ICE2: variants seen among roughly 807,000 people sequenced by gnomAD.
The protein encoded by ICE2 is interactor of little elongation complex ELL subunit 2.
In ICE2, 87 loss-of-function variants were observed where a neutral mutation model predicts 105.4. The observed-to-expected ratio is 0.83, with a 90% CI of 0.69 to 0.99. ICE2 has a LOEUF of 0.99. ICE2 is among the 50% of genes least tolerant of loss of function. The pLI is 0.00. For missense variants in ICE2, 1,323 were observed against 1,146.7 expected (o/e 1.15, Z -2.22); for synonymous variants, 399 against 392.0 (o/e 1.02, Z -0.21).
rs1157012726 is a variant in ICE2 at position 60,471,322 on chromosome 15, A to G, written c.147-3000T>C. On this transcript the variant is annotated intron_variant, in intron 3 of 15. Transcript: ENST00000261520. ...TTTTAGGTAAACAAAATGAACATTA[A>G]CTGCTGATCTTGGGAGAAATGTATT... is the stretch of plus-strand genomic sequence containing the variant. 2.6e-5 allele frequency among the ~76,000 whole-genome samples: 4 copies of G among 152,236 alleles called. No homozygotes were observed. The East Asian group carries it at 7.7e-4, about 29-fold the overall frequency.
chr15:60,430,965 G>A (rs150315475), intron 14 of ICE2, among the ~76,000 whole-genome samples: 9 of 152,080 alleles, frequency 5.9e-5, no homozygotes, highest in East Asian at 5.8e-4. Context: ...TCTGCCTCCC[G>A]GGTTCAAGCG....
chr15:60,434,217 G>C (rs372558677), intron 13 of ICE2, among the ~76,000 whole-genome samples: 27 of 152,252 alleles, frequency 1.8e-4, no homozygotes, highest in African/African-American at 5.8e-4. Context: ...ATTTTGCTTT[G>C]CATTTAGACA....
At chr15:60,467,991 G>T in intron 4 of ICE2, 70 bp downstream of exon 4, 2 of 1,356,394 alleles carry the variant, frequency 1.5e-6, no homozygotes, top group Non-Finnish European at 9.8e-7. Flanking sequence ...AAACATAAAT[G>T]TAAATTTAAG....
At chr15:60,440,181 T>G (rs1193268009) in intron 12 of ICE2, 2 of 152,222 alleles carry the variant, frequency 1.3e-5, no homozygotes, top group Non-Finnish European at 2.9e-5. Context: ...GATCATGATT[T>G]GCCTGTTACT....
At chr15:60,453,233 A>C in intron 9 of ICE2, 1 of 1,007,264 alleles carries the variant, frequency 9.9e-7, no homozygotes, top group African/African-American at 1.7e-5. Context: ...TTCCATCTCA[A>C]AAAAATAAAA....
intron 2 of ICE2, 110 bp downstream of exon 2, chr15:60,477,827 G>T: frequency 1.0e-6 from 1 of 976,370 alleles, no homozygotes; most frequent in Non-Finnish European, 1.6e-6. Context: ...CCCTAAACTT[G>T]TATTTTCTGT....
chr15:60,474,895 A>G (rs2064714208), intron 3 of ICE2, among the ~76,000 whole-genome samples: 1 of 152,178 alleles, frequency 6.6e-6, no homozygotes, highest in Non-Finnish European at 1.5e-5. Context: ...GCCAAGTTGG[A>G]GAATCACTTG....
At chr15:60,432,484 C>T (rs912598539) in intron 13 of ICE2, among the ~76,000 whole-genome samples, 1 of 151,088 alleles carries the variant, frequency 6.6e-6, no homozygotes, top group Admixed American at 6.6e-5. Context: ...GGCATGGGGT[C>T]GGGCCAATTT....
intron 1 of ICE2, chr15:60,478,698 G>A (rs746743626): frequency 5.9e-6 from 2 of 337,810 alleles, no homozygotes; most frequent in East Asian, 1.7e-4. Context: ...GACACCGAAC[G>A]GGCCCGACCG....
chr15:60,473,528 A>C (rs1037260345), intron 3 of ICE2, among the ~76,000 whole-genome samples: 2 of 152,142 alleles, frequency 1.3e-5, no homozygotes, highest in Non-Finnish European at 2.9e-5. Context: ...CCTGGGCTCA[A>C]GTGATCCAGC....
chr15:60,479,072 A>C lies in ICE2; in HGVS notation c.-162T>G. ...ACACACGCTCCACCCCACTCCTCAC[A>C]TTGTCGCGCGCGCCCAAAAAAGACC... On this transcript the variant is annotated 5_prime_UTR_variant, in exon 1 of 16. An upstream start codon of the reference 5' UTR is lost. Coordinates refer to ENST00000261520, the MANE Select transcript of ICE2 (RefSeq NM_024611.6). The C allele has an allele frequency of 2.2e-6, 1 of 451,430 alleles. No homozygotes were observed. The highest frequency in any genetic ancestry group is 4.5e-6 in the Non-Finnish European group (1 of 223,670). The allele number at this position is 451,430 out of a possible 1,614,324, so 28.0% of individuals were successfully genotyped here. A position where few individuals can be genotyped will look rare whatever the true frequency, so the allele number is the denominator to read the frequency against.
At chr15:60,435,379 C>T (rs757874069) in intron 13 of ICE2, among the ~76,000 whole-genome samples, 2 of 151,730 alleles carry the variant, frequency 1.3e-5, no homozygotes, top group Non-Finnish European at 2.9e-5. Flanking sequence ...GCAGGAGGAT[C>T]ACCCGAGGTC....
At chr15:60,466,811 A>G in intron 4 of ICE2, 98 bp from the exon 5 acceptor site, 2 of 999,944 alleles carry the variant, frequency 2.0e-6, no homozygotes, top group Non-Finnish European at 2.9e-6. Flanking sequence ...CTTAAAGAAT[A>G]ATTAAAGTAT....
At chr15:60,445,514 G>T in intron 11 of ICE2, 1 of 919,974 alleles carries the variant, frequency 1.1e-6, no homozygotes, top group Non-Finnish European at 1.3e-6. Context: ...AGCATTCACT[G>T]AAAATTTTAA....
chr15:60,453,537 A>C (rs1199659755), intron 9 of ICE2, 66 bp downstream of exon 9: 16 of 1,572,314 alleles, frequency 1.0e-5, no homozygotes, highest in African/African-American at 1.4e-5. Context: ...ATTTGCAATA[A>C]AACTTTATGC....
intron 15 of ICE2, among the ~76,000 whole-genome samples, chr15:60,424,194 C>A (rs2063288866): frequency 6.6e-6 from 1 of 150,902 alleles, no homozygotes; most frequent in African/African-American, 2.4e-5. Context: ...GAAGAAATTA[C>A]ATGGACAAAC....
At position 60,421,048 on chromosome 15, in the gene ICE2, AT is replaced by A. The variant is rs2063238259; in HGVS notation, c.*2585del. The A allele has an allele frequency of 6.6e-6, 1 of 152,190 alleles. No individual in the cohort carries two copies. Among genetic ancestry groups the A allele is most frequent in the South Asian group, 2.1e-4 (1 of 4,826 alleles). The allele number at this position is 152,190 out of a possible 1,614,324, so 9.4% of individuals were successfully genotyped here. A position where few individuals can be genotyped will look rare whatever the true frequency, so the allele number is the denominator to read the frequency against. ...TCTGAAAAAACAAGGCTATGAGAGA[AT>A]AACTGTGGGGACCTACTTTGGAGTG... is the stretch of plus-strand genomic sequence containing the variant. On this transcript the variant is annotated 3_prime_UTR_variant, in exon 16 of 16. Coordinates refer to ENST00000261520, the MANE Select transcript of ICE2 (RefSeq NM_024611.6).
rs781022574 is a variant in ICE2, at chr15:60,466,735, A to T, written c.409-22T>A. The T allele has an allele frequency of 1.9e-6, 3 of 1,557,998 alleles. No individual in the cohort carries two copies. In the Admixed American group the frequency reaches 5.7e-5, roughly 29 times the overall value. On this transcript the variant is annotated intron_variant, in intron 4 of 15. Transcript: ENST00000261520. ...TATCCTGATTTTTAAAAAAGTAGAC[A>T]TGTCTTGGGATAAAAAGTTTCATTA...
At chr15:60,424,323 G>A (rs887741301) in intron 15 of ICE2, among the ~76,000 whole-genome samples, 1 of 151,670 alleles carries the variant, frequency 6.6e-6, no homozygotes, top group African/African-American at 2.4e-5. Context: ...TTCAAGACAA[G>A]AACCCAAGTA....
Sources: allele counts gnomAD v4.1 joint callset (sites outside exome capture counted in the v4.1 genomes callset), GRCh38; gene constraint gnomAD v4.1.1; transcripts MANE v1.5; gene names NCBI Gene and HGNC (gene_info 2026-07-23, HGNC 2026-07-21).